Variants in FSHR observed in about 807,000 individuals in gnomAD.
FSHR encodes follicle stimulating hormone receptor.
FSHR carries 46 observed loss-of-function variants against 52.1 expected under a neutral mutation model. That is an observed-to-expected ratio of 0.88 (90% CI 0.70 to 1.13). The LOEUF is 1.13. Among genes scored for constraint, FSHR ranks in the 50% most tolerant of loss-of-function variants. FSHR has a pLI of 0.00. For synonymous variants in FSHR, 399 were observed against 309.6 expected, an observed-to-expected ratio of 1.29 and a Z score of -3.03; for missense variants, 964 against 834.6, an observed-to-expected ratio of 1.16 and a Z score of -1.91.
At chr2:49,109,922 GT>G (rs1254284685) in intron 1 of FSHR, among the ~76,000 whole-genome samples, 1 of 152,112 alleles carries the variant, frequency 6.6e-6, no homozygotes, top group Non-Finnish European at 1.5e-5. Flanking sequence ...GAGATAAAGA[GT>G]AAGAAAAATG....
chr2:49,096,484 T>C (rs1670826429), intron 1 of FSHR, among the ~76,000 whole-genome samples: 1 of 152,188 alleles, frequency 6.6e-6, no homozygotes, highest in Non-Finnish European at 1.5e-5. Context: ...TTGCCAACGA[T>C]ATGGGGTTTC....
At chr2:49,021,863 C>CTCTCTCTATA (rs1467766420) in intron 2 of FSHR, among the ~76,000 whole-genome samples, 5 of 49,862 alleles carry the variant, frequency 1.0e-4, no homozygotes, top group African/African-American at 4.1e-4. Context: ...CTCTCTCTCT[C>CTCTCTCTATA]TATATATATA....
chr2:48,970,858 G>C (rs934274786), intron 8 of FSHR, among the ~76,000 whole-genome samples: 3 of 152,148 alleles, frequency 2.0e-5, no homozygotes, highest in African/African-American at 7.2e-5. Context: ...TGCCATCCTT[G>C]ACTCCCTCAT....
chr2:49,129,289 C>A (rs1005036687), intron 1 of FSHR, among the ~76,000 whole-genome samples: 2 of 152,090 alleles, frequency 1.3e-5, no homozygotes, highest in African/African-American at 2.4e-5. Context: ...TGCCTCCCTG[C>A]CCTCACAGCC....
intron 4 of FSHR, among the ~76,000 whole-genome samples, chr2:49,011,664 A>G (rs1667278712): frequency 6.6e-6 from 1 of 152,082 alleles, no homozygotes; most frequent in Admixed American, 6.6e-5. Context: ...GGCAATGTTA[A>G]GGTTCCTACT....
chr2:49,103,844 G>C (rs1018322970), intron 1 of FSHR, among the ~76,000 whole-genome samples: 1 of 152,150 alleles, frequency 6.6e-6, no homozygotes, highest in Non-Finnish European at 1.5e-5. Flanking sequence ...GATAAAGACA[G>C]ATCATTTTAT....
At chr2:49,111,869 C>A (rs1460018952) in intron 1 of FSHR, among the ~76,000 whole-genome samples, 1 of 152,186 alleles carries the variant, frequency 6.6e-6, no homozygotes, top group South Asian at 2.1e-4. Context: ...TCAAACAGTA[C>A]ATTGTCTTTA....
chr2:48,982,348 G>A (rs1476262132), intron 8 of FSHR, among the ~76,000 whole-genome samples: 9 of 152,154 alleles, frequency 5.9e-5, no homozygotes, highest in Non-Finnish European at 8.8e-5. Context: ...TGTGAGGCAC[G>A]GAATGCATCC....
chr2:49,062,337 T>G (rs904201951), intron 2 of FSHR, among the ~76,000 whole-genome samples: 1 of 152,126 alleles, frequency 6.6e-6, no homozygotes, highest in Non-Finnish European at 1.5e-5. Flanking sequence ...TTCAATGAGT[T>G]GTGCTGGGAC....
chr2:49,010,949 A>G (rs1399416938), intron 4 of FSHR, among the ~76,000 whole-genome samples: 3,372 of 151,834 alleles, frequency 0.022, 123 homozygotes, highest in African/African-American at 0.076. Context: ...CTAGTGGTCT[A>G]TCAATTTTGT....
chr2:49,099,133 C>G (rs1356540159), intron 1 of FSHR, among the ~76,000 whole-genome samples: 1 of 151,886 alleles, frequency 6.6e-6, no homozygotes, highest in African/African-American at 2.4e-5. Context: ...ATGTTGAAGT[C>G]TTTGACATGG....
chr2:49,060,442 C>T (rs1474360700), intron 2 of FSHR, among the ~76,000 whole-genome samples: 1 of 152,180 alleles, frequency 6.6e-6, no homozygotes, highest in African/African-American at 2.4e-5. Flanking sequence ...CTGTGCCCTG[C>T]ATCCCAGGAA....
intron 1 of FSHR, among the ~76,000 whole-genome samples, chr2:49,086,696 A>G (rs1370063610): frequency 1.3e-5 from 2 of 152,194 alleles, no homozygotes; most frequent in East Asian, 3.8e-4. Flanking sequence ...GCTGGAGTGC[A>G]GTGGTGCAAT....
chr2:49,035,280 G>A (rs1232869330), intron 2 of FSHR, among the ~76,000 whole-genome samples: 1 of 152,224 alleles, frequency 6.6e-6, no homozygotes, highest in East Asian at 1.9e-4. Flanking sequence ...GCTCCCATGA[G>A]CATGGTTTTC....
chr2:49,133,699 C>T (rs12477021), intron 1 of FSHR, among the ~76,000 whole-genome samples: 37,198 of 151,938 alleles, frequency 0.24, 4,956 homozygotes, highest in East Asian at 0.47. Flanking sequence ...CAAAACAGCA[C>T]GGTACTGATA....
chr2:49,134,327 C>T (rs1389654589), intron 1 of FSHR, among the ~76,000 whole-genome samples: 1 of 152,218 alleles, frequency 6.6e-6, no homozygotes, highest in Non-Finnish European at 1.5e-5. Flanking sequence ...CTCATCATCA[C>T]TGGCCATCAG....
intron 4 of FSHR, among the ~76,000 whole-genome samples, chr2:49,016,908 C>G (rs1285468568): frequency 6.6e-6 from 1 of 152,058 alleles, no homozygotes. Context: ...TTGTGGGGTC[C>G]CATTATAACA....
intron 1 of FSHR, among the ~76,000 whole-genome samples, chr2:49,089,090 C>T (rs1239457132): frequency 2.8e-5 from 3 of 108,106 alleles, no homozygotes; most frequent in Admixed American, 9.0e-5. Flanking sequence ...TCCAAATTCA[C>T]TTCTAATATA....
intron 1 of FSHR, among the ~76,000 whole-genome samples, chr2:49,119,643 G>C (rs1452032480): frequency 6.6e-6 from 1 of 152,036 alleles, no homozygotes; most frequent in Non-Finnish European, 1.5e-5. Flanking sequence ...CAAACACTTA[G>C]AACAGATTAC....
Sources: allele counts gnomAD v4.1 joint callset (sites outside exome capture counted in the v4.1 genomes callset), GRCh38; gene constraint gnomAD v4.1.1; transcripts MANE v1.5; gene names NCBI Gene and HGNC (gene_info 2026-07-23, HGNC 2026-07-21).